PDZRN4: variants seen among roughly 807,000 people sequenced by gnomAD.
PDZRN4 encodes PDZ domain containing ring finger 4.
Under a neutral mutation model 99.0 loss-of-function variants are expected in PDZRN4, and 70 were observed. The observed-to-expected ratio is 0.71, with a 90% CI of 0.58 to 0.86. The LOEUF (loss-of-function observed/expected upper bound fraction) is 0.86, where lower values mean the gene tolerates loss of function less well. PDZRN4 is among the 40% of genes least tolerant of loss of function. The pLI is 0.00. For missense variants in PDZRN4, 1,474 were observed against 1,331.2 expected, an observed-to-expected ratio of 1.11 and a Z score of -1.67; for synonymous variants, 551 against 501.6, an observed-to-expected ratio of 1.10 and a Z score of -1.32.
chr12:41,478,943 G>T (rs987835840), intron 3 of PDZRN4, among the ~76,000 whole-genome samples: 42 of 152,080 alleles, frequency 2.8e-4, no homozygotes, highest in Admixed American at 2.3e-3. Flanking sequence ...AAAATTCTAA[G>T]GGAAAATAAT....
At chr12:41,501,031 C>T (rs1475866080) in intron 3 of PDZRN4, among the ~76,000 whole-genome samples, 1 of 152,130 alleles carries the variant, frequency 6.6e-6, no homozygotes, top group Non-Finnish European at 1.5e-5. Flanking sequence ...TAACCAGGTA[C>T]AGGATCATGT....
intron 3 of PDZRN4, among the ~76,000 whole-genome samples, chr12:41,450,998 T>A (rs576770539): frequency 6.6e-6 from 1 of 151,908 alleles, no homozygotes; most frequent in South Asian, 2.1e-4. Context: ...AATGTAAAAT[T>A]TTTTTAAGTT....
chr12:41,433,319 A>G (rs1952600614), intron 3 of PDZRN4, among the ~76,000 whole-genome samples: 1 of 152,176 alleles, frequency 6.6e-6, no homozygotes, highest in Admixed American at 6.5e-5. Flanking sequence ...ATTGAATTCC[A>G]CCACAGAATT....
At chr12:41,504,489 A>G (rs1938169440) in intron 3 of PDZRN4, among the ~76,000 whole-genome samples, 2 of 152,084 alleles carry the variant, frequency 1.3e-5, no homozygotes, top group Admixed American at 1.3e-4. Context: ...ATCTTCCACA[A>G]TCTGGAATGT....
intron 5 of PDZRN4, among the ~76,000 whole-genome samples, chr12:41,527,047 A>G (rs1432925475): frequency 6.6e-6 from 1 of 152,240 alleles, no homozygotes; most frequent in Admixed American, 6.5e-5. Flanking sequence ...AAACGGGAAG[A>G]CATATATAAT....
At chr12:41,470,166 C>G (rs1469669934) in intron 3 of PDZRN4, among the ~76,000 whole-genome samples, 1 of 151,822 alleles carries the variant, frequency 6.6e-6, no homozygotes, top group Non-Finnish European at 1.5e-5. Context: ...ATTTACAAAC[C>G]CTTTCAGTTT....
At chr12:41,441,508 A>C (rs1384070828) in intron 3 of PDZRN4, among the ~76,000 whole-genome samples, 3 of 152,174 alleles carry the variant, frequency 2.0e-5, no homozygotes, top group Admixed American at 6.6e-5. Context: ...AGAAGTTAGA[A>C]TATTCAGACA....
At chr12:41,268,654 C>T (rs1042156997) in intron 3 of PDZRN4, among the ~76,000 whole-genome samples, 19 of 152,162 alleles carry the variant, frequency 1.2e-4, no homozygotes, top group Admixed American at 3.3e-4. Flanking sequence ...AGAATCAGCA[C>T]ATTAGGAAAT....
intron 3 of PDZRN4, among the ~76,000 whole-genome samples, chr12:41,279,779 G>A (rs2120880621): frequency 6.6e-6 from 1 of 152,284 alleles, no homozygotes; most frequent in South Asian, 2.1e-4. Flanking sequence ...GTAGTATTGA[G>A]GATAGCCTAT....
intron 3 of PDZRN4, among the ~76,000 whole-genome samples, chr12:41,231,649 T>A (rs749777493): frequency 1.2e-4 from 18 of 152,146 alleles, no homozygotes; most frequent in Non-Finnish European, 2.5e-4. Context: ...TCATTTATTT[T>A]TACTAAATAG....
In PDZRN4 at chr12:41,299,597, T is replaced by C. The variant is rs368036713; in HGVS notation, c.843+105409T>C. The stretch of plus-strand genomic sequence containing the variant: ...CAGAGACAAAATTGCTATTCCCTTT[T>C]ATCTGCTCGTTCTTCTAGAGTAAAA... On this transcript the variant is annotated intron_variant, in intron 3 of 9. Transcript: ENST00000402685. Among the ~76,000 whole-genome samples the C allele has an allele frequency of 3.3e-5, 5 of 152,090 alleles. No homozygotes were observed. The East Asian group carries it at 5.8e-4, about 18-fold the overall frequency.
In PDZRN4 at chr12:41,188,942, C is replaced by A. The variant is rs967735149; in HGVS notation, c.487C>A (p.Arg163=). The A allele has an allele frequency of 7.4e-7, 1 of 1,351,068 alleles. No homozygotes were observed. Among genetic ancestry groups the A allele is most frequent in the Non-Finnish European group, 9.5e-7 (1 of 1,050,646 alleles). The allele number at this position is 1,351,068 out of a possible 1,614,324, so 83.7% of individuals were successfully genotyped here. A position where few individuals can be genotyped will look rare whatever the true frequency, so the allele number is the denominator to read the frequency against. The part of the protein sequence containing the change: ...RWGRGRGPGP[R]VLAWRRREKA... ...GGGCCGCGGGCGGGGACCCGGGCCT[C>A]GGGTCCTCGCCTGGAGGCGGCGCGA... The change falls in exon 1 of 10, where the codon CGG becomes AGG. Residue 163 remains arginine, a synonymous_variant. Transcript: ENST00000402685.
intron 3 of PDZRN4, among the ~76,000 whole-genome samples, chr12:41,351,311 G>A (rs1257917943): frequency 8.6e-5 from 13 of 152,010 alleles, no homozygotes; most frequent in Non-Finnish European, 1.5e-4. Flanking sequence ...TGGTGTTGTA[G>A]GTAAAACAGC....
At chr12:41,246,745 A>G (rs1289298186) in intron 3 of PDZRN4, among the ~76,000 whole-genome samples, 1 of 152,180 alleles carries the variant, frequency 6.6e-6, no homozygotes, top group Non-Finnish European at 1.5e-5. Flanking sequence ...ATATGAGTTC[A>G]ACTCTGTTAT....
intron 3 of PDZRN4, chr12:41,437,665 A>C: frequency 1.0e-6 from 1 of 976,144 alleles, no homozygotes; most frequent in Non-Finnish European, 1.4e-6. Flanking sequence ...CTGTGTAGTC[A>C]TGTGCACTGA....
At chr12:41,267,485 T>G (rs1031901992) in intron 3 of PDZRN4, among the ~76,000 whole-genome samples, 1 of 151,984 alleles carries the variant, frequency 6.6e-6, no homozygotes, top group African/African-American at 2.4e-5. Flanking sequence ...AATCAGAGGT[T>G]AGAAATGTCC....
At chr12:41,571,613 CATT>C (rs1405376476) in intron 9 of PDZRN4, among the ~76,000 whole-genome samples, 4 of 151,954 alleles carry the variant, frequency 2.6e-5, no homozygotes, top group Admixed American at 1.3e-4. Context: ...AGTCCTAAAA[CATT>C]GTTGTTGCTT....
At chr12:41,333,588 CCCT>C (rs1951753610) in intron 3 of PDZRN4, among the ~76,000 whole-genome samples, 1 of 152,192 alleles carries the variant, frequency 6.6e-6, no homozygotes, top group South Asian at 2.1e-4. Context: ...AGGTCTTGGA[CCCT>C]CCTTCATTCT....
intron 3 of PDZRN4, among the ~76,000 whole-genome samples, chr12:41,395,583 G>A (rs1378164068): frequency 6.6e-6 from 1 of 152,072 alleles, no homozygotes; most frequent in African/African-American, 2.4e-5. Context: ...GCTTTTTTCA[G>A]TATAAGCTAA....
Sources: allele counts gnomAD v4.1 joint callset (sites outside exome capture counted in the v4.1 genomes callset), GRCh38; gene constraint gnomAD v4.1.1; transcripts MANE v1.5; gene names NCBI Gene and HGNC (gene_info 2026-07-23, HGNC 2026-07-21).